The following BSCL2 variants were observed in gnomAD, a reference collection of about 807,000 sequenced individuals.
The protein encoded by BSCL2 is seipin.
In BSCL2, 41 loss-of-function variants were observed where a neutral mutation model predicts 57.4. That is an observed-to-expected ratio of 0.71 (90% CI 0.56 to 0.93). The LOEUF is 0.93. BSCL2 is among the 40% of genes least tolerant of loss of function. The probability of loss-of-function intolerance (pLI) is 0.00; values close to 1 mark genes in which losing one functional copy is unlikely to be tolerated. For missense variants in BSCL2, 539 were observed against 586.7 expected (o/e 0.92, Z 0.84); for synonymous variants, 237 against 227.3 (o/e 1.04, Z -0.38).
chr11:62,709,011 C>T, upstream of BSCL2: 1 of 567,922 alleles, frequency 1.8e-6, no homozygotes, highest in South Asian at 1.9e-5. Context: ...CCCAAGCACC[C>T]CAGAGATATG....
At chr11:62,701,445 T>C (rs945549809) in intron 3 of BSCL2, among the ~76,000 whole-genome samples, 6 of 152,336 alleles carry the variant, frequency 3.9e-5, no homozygotes, top group South Asian at 2.1e-4. Flanking sequence ...AGAACACTTA[T>C]GTTAGCCTAC....
At chr11:62,693,042 A>G (rs961427614) in intron 4 of BSCL2, among the ~76,000 whole-genome samples, 1 of 152,118 alleles carries the variant, frequency 6.6e-6, no homozygotes, top group Non-Finnish European at 1.5e-5. Flanking sequence ...ACCTTCCTAG[A>G]TTAAGCCCAG....
chr11:62,708,135 G>T, upstream of BSCL2: 1 of 640,872 alleles, frequency 1.6e-6, no homozygotes, highest in Non-Finnish European at 2.9e-6. Flanking sequence ...TTTCCATGAG[G>T]AATACAGGGA....
chr11:62,707,901 C>T (rs551074054), upstream of BSCL2: 7 of 277,160 alleles, frequency 2.5e-5, no homozygotes, highest in East Asian at 8.3e-5. Context: ...CTGCTACTGC[C>T]GCTTGTGGCT....
chr11:62,694,577 A>G lies in BSCL2; in HGVS notation c.621T>C (p.Ser207=), dbSNP rs777598096. 9 of 1,613,906 alleles carry G rather than the reference A, an allele frequency of 5.6e-6. No homozygotes were observed. Among genetic ancestry groups the G allele is most frequent in the Admixed American group, 1.7e-5 (1 of 59,954 alleles). The stretch of plus-strand genomic sequence containing the variant: ...GGCCACCAACACTTACCGAACGCGA[A>G]GAAGTGGAGATGATTCGGCCACCTC... ...YTRGGRIIST[S]SRSVMLHYRS... is the part of the protein sequence containing the mutation. Residue 207 remains serine (S), a synonymous_variant, in exon 4 of 11, where the codon TCT becomes TCC. Coordinates refer to ENST00000360796, the MANE Select transcript of BSCL2 (RefSeq NM_001122955.4).
chr11:62,708,657 C>T (rs1226041442), upstream of BSCL2: 2 of 1,612,804 alleles, frequency 1.2e-6, no homozygotes, highest in African/African-American at 1.3e-5. Context: ...GCTAACAATA[C>T]CCTTCCTGGC....
Position 62,692,759 on chromosome 11 carries a change from C to G in BSCL2, c.669G>C (p.Leu223=), listed in dbSNP as rs1945346977. ...LHYRSDLLQM[L]DTLVFSSLLL... ...GGAGGCTAGAGAAGACCAGTGTGTC[C>G]AGCATCTGGAGCAGGTCTGAGCGGT... Residue 223 remains leucine (L), a synonymous_variant, in exon 5 of 11, where the codon CTG becomes CTC. Coordinates refer to ENST00000360796, the MANE Select transcript of BSCL2 (RefSeq NM_001122955.4). 1 of 1,613,936 alleles carries G rather than the reference C, an allele frequency of 6.2e-7. No individual in the cohort carries two copies. Among genetic ancestry groups the G allele is most frequent in the Non-Finnish European group, 8.5e-7 (1 of 1,180,042 alleles).
chr11:62,706,301 G>T, intron 1 of BSCL2: 1 of 1,114,162 alleles, frequency 9.0e-7, no homozygotes, highest in Non-Finnish European at 1.1e-6. Flanking sequence ...CGGGACTTCC[G>T]GCTCCCGGGG....
intron 3 of BSCL2, among the ~76,000 whole-genome samples, chr11:62,699,183 G>A (rs183990584): frequency 1.8e-4 from 28 of 151,388 alleles, no homozygotes; most frequent in African/African-American, 5.8e-4. Context: ...GATTACAGGC[G>A]TGAGCCACCA....
intron 3 of BSCL2, among the ~76,000 whole-genome samples, chr11:62,696,278 T>TGTGTGTGTGTGTGTGTGTGTG (rs371756427): frequency 1.3e-4 from 18 of 136,228 alleles, no homozygotes; most frequent in Admixed American, 1.1e-3. Flanking sequence ...CATAAACTTT[T>TGTGTGTGTGTGTGTGTGTGTG]TGTGTGTGTG....
At chr11:62,701,958 G>C (rs566641708) in intron 3 of BSCL2, among the ~76,000 whole-genome samples, 1 of 151,978 alleles carries the variant, frequency 6.6e-6, no homozygotes, top group African/African-American at 2.4e-5. Context: ...TTGAATTACC[G>C]TAAGTCAGGG....
At chr11:62,709,192 C>T (rs1366080670), upstream of BSCL2, 1 of 457,848 alleles carries the variant, frequency 2.2e-6, no homozygotes, top group Non-Finnish European at 4.4e-6. Context: ...TAAAGTCATC[C>T]AGAGCCTCAG....
At chr11:62,698,660 A>AT (rs1199302438) in intron 3 of BSCL2, among the ~76,000 whole-genome samples, 1 of 152,236 alleles carries the variant, frequency 6.6e-6, no homozygotes, top group Non-Finnish European at 1.5e-5. Flanking sequence ...TCATTTAAAA[A>AT]TGTTCATTGT....
In BSCL2 at chr11:62,691,068, C is replaced by A. The variant is rs1324375414; in HGVS notation, c.1072+7G>T. On this transcript the variant is annotated splice_region_variant and intron_variant, in intron 8 of 10. Coordinates refer to ENST00000360796, the MANE Select transcript of BSCL2 (RefSeq NM_001122955.4). ...CACCTCAACAGCTCCCCAGCCAACACCTTTACCTGGCTGATGAGCAGAGAT... is the reference window on the plus strand; with the variant it reads ...CACCTCAACAGCTCCCCAGCCAACAACTTTACCTGGCTGATGAGCAGAGAT... 3 of 1,614,236 alleles carry A rather than the reference C, an allele frequency of 1.9e-6. No individual in the cohort carries two copies. Among genetic ancestry groups the A allele is most frequent in the Non-Finnish European group, 2.5e-6 (3 of 1,180,026 alleles).
chr11:62,691,909 AG>A (rs1157814570), intron 6 of BSCL2, among the ~76,000 whole-genome samples: 1 of 152,064 alleles, frequency 6.6e-6, no homozygotes, highest in Admixed American at 6.6e-5. Flanking sequence ...AAAATTAGCC[AG>A]GTGTGGTCGC....
At chr11:62,706,477 T>G in intron 1 of BSCL2, 4 of 397,722 alleles carry the variant, frequency 1.0e-5, no homozygotes, top group South Asian at 5.8e-5. Flanking sequence ...GCGGCAGGTT[T>G]CCCTCCGGTT....
chr11:62,705,754 C>A, intron 1 of BSCL2, 137 bp from the exon 2 acceptor site: 2 of 878,582 alleles, frequency 2.3e-6, no homozygotes, highest in Non-Finnish European at 1.7e-6. Context: ...GGCCTTTCTC[C>A]AAATGATTGT....
rs1428728949 is a variant in BSCL2, at chr11:62,694,735, T to C, written c.487-24A>G. The C allele has an allele frequency of 3.1e-6, 5 of 1,611,206 alleles. No individual in the cohort carries two copies. In the Admixed American group the frequency reaches 8.4e-5, roughly 27 times the overall value. ...ACCTGCCAAAGGTAGCCCCCATTTC[T>C]TTAAAAAAATTTTTTTGTTGAAAAT... On this transcript the variant is annotated intron_variant, in intron 3 of 10. Transcript: ENST00000360796.
intron 1 of BSCL2, chr11:62,706,589 G>A: frequency 2.1e-6 from 1 of 468,446 alleles, no homozygotes. Context: ...CCTTGAGACT[G>A]CAATCACAGC....
Sources: gnomAD v4.1 joint callset for allele counts (sites outside exome capture counted in the v4.1 genomes callset) on GRCh38, gnomAD v4.1.1 for gene constraint, MANE v1.5 for transcripts, NCBI Gene and HGNC (gene_info 2026-07-23, HGNC 2026-07-21) for gene names.